The following SLC24A3 variants were observed in gnomAD, a reference collection of about 807,000 sequenced individuals.
The protein encoded by SLC24A3 is sodium/potassium/calcium exchanger 3.
SLC24A3 carries 28 observed loss-of-function variants against 75.8 expected under a neutral mutation model. The ratio of observed to expected loss-of-function variants is 0.37; its 90% CI spans 0.27 to 0.51. The LOEUF is 0.51. SLC24A3 is among the 20% of genes least tolerant of loss of function. SLC24A3 has a pLI of 0.94. For synonymous variants in SLC24A3, 372 were observed against 334.1 expected (o/e 1.11, Z -1.24); for missense variants, 663 against 847.8 (o/e 0.78, Z 2.71).
At chr20:19,686,238 C>T (rs889893932) in intron 12 of SLC24A3, among the ~76,000 whole-genome samples, 7 of 152,182 alleles carry the variant, frequency 4.6e-5, no homozygotes, top group African/African-American at 2.4e-5. Context: ...TCCCATTGCA[C>T]CTAGCCGGGA....
intron 2 of SLC24A3, among the ~76,000 whole-genome samples, chr20:19,511,746 C>T (rs766111755): frequency 1.1e-4 from 16 of 152,252 alleles, no homozygotes; most frequent in Non-Finnish European, 2.1e-4. Flanking sequence ...TGCATGAGTC[C>T]TTTGAAACCA....
At chr20:19,422,913 C>T (rs1224482281) in intron 2 of SLC24A3, among the ~76,000 whole-genome samples, 1 of 152,212 alleles carries the variant, frequency 6.6e-6, no homozygotes. Flanking sequence ...GAGAGTTACA[C>T]ATAAGTGTAA....
At chr20:19,333,976 T>G (rs1407406366) in intron 2 of SLC24A3, among the ~76,000 whole-genome samples, 6 of 149,768 alleles carry the variant, frequency 4.0e-5, no homozygotes, top group Non-Finnish European at 8.9e-5. Context: ...TAAAAAAGGG[T>G]GGAATTGTAC....
intron 3 of SLC24A3, among the ~76,000 whole-genome samples, chr20:19,552,172 G>A (rs940687521): frequency 6.6e-6 from 1 of 152,140 alleles, no homozygotes; most frequent in African/African-American, 2.4e-5. Context: ...AAAATTGCAT[G>A]GGGCCCTCTG....
chr20:19,603,844 C>A (rs1482032894), intron 6 of SLC24A3, among the ~76,000 whole-genome samples: 1 of 152,138 alleles, frequency 6.6e-6, no homozygotes, highest in East Asian at 1.9e-4. Context: ...CTGGTGCACA[C>A]CGAGCTGGTG....
intron 2 of SLC24A3, among the ~76,000 whole-genome samples, chr20:19,480,010 G>A (rs898809448): frequency 1.2e-4 from 18 of 152,336 alleles, no homozygotes; most frequent in Non-Finnish European, 2.9e-5. Flanking sequence ...AGGGACTGTT[G>A]TGATGCATAT....
intron 2 of SLC24A3, among the ~76,000 whole-genome samples, chr20:19,485,822 GC>G (rs529630449): frequency 5.3e-4 from 80 of 152,204 alleles, no homozygotes; most frequent in Non-Finnish European, 9.3e-4. Flanking sequence ...GAAACAAAGT[GC>G]CCCCCATGGG....
intron 6 of SLC24A3, among the ~76,000 whole-genome samples, chr20:19,651,426 C>T (rs1442994550): frequency 7.0e-6 from 1 of 143,842 alleles, no homozygotes; most frequent in African/African-American, 2.5e-5. Flanking sequence ...TATCTGCTTT[C>T]CTCTCCTCTG....
At chr20:19,600,064 C>T (rs1049953568) in intron 6 of SLC24A3, among the ~76,000 whole-genome samples, 37 of 152,152 alleles carry the variant, frequency 2.4e-4, no homozygotes, top group African/African-American at 8.7e-4. Context: ...GTTGAAGGCC[C>T]GTGGGGGTCA....
Position 19,319,714 on chromosome 20 carries a change from G to A in SLC24A3, c.271+38627G>A, listed in dbSNP as rs1422328533. On this transcript the variant is annotated intron_variant, in intron 2 of 16. Transcript: ENST00000328041. ...GGGCCATGGGGGAGGCGGTGTTGAG[G>A]GGTCCTGGTGGAGGAGGCAGCAGGA... Among the ~76,000 whole-genome samples the A allele has an allele frequency of 2.6e-5, 4 of 152,182 alleles. No individual in the cohort carries two copies. The East Asian group carries it at 5.8e-4, about 22-fold the overall frequency.
intron 1 of SLC24A3, among the ~76,000 whole-genome samples, chr20:19,232,569 A>G (rs1198514869): frequency 1.3e-5 from 2 of 152,180 alleles, no homozygotes; most frequent in Non-Finnish European, 2.9e-5. Context: ...TTAACTGAAC[A>G]CCTTTGTGCA....
chr20:19,457,117 A>G (rs1011625279), intron 2 of SLC24A3, among the ~76,000 whole-genome samples: 10 of 152,244 alleles, frequency 6.6e-5, no homozygotes, highest in African/African-American at 2.4e-4. Context: ...TGAATAATGT[A>G]GTACTTACTG....
At chr20:19,343,088 A>AAAAAG (rs1568594815) in intron 2 of SLC24A3, among the ~76,000 whole-genome samples, 32 of 147,214 alleles carry the variant, frequency 2.2e-4, no homozygotes, top group African/African-American at 7.2e-4. Context: ...AAAAAAAGAA[A>AAAAAG]AAAGAAAAAG....
At chr20:19,715,158 C>T (rs977511758) in intron 15 of SLC24A3, among the ~76,000 whole-genome samples, 2 of 152,246 alleles carry the variant, frequency 1.3e-5, no homozygotes, top group Non-Finnish European at 2.9e-5. Flanking sequence ...AGGAGCCCAT[C>T]TCTCCCATTC....
chr20:19,299,458 C>G (rs990749972), intron 2 of SLC24A3, among the ~76,000 whole-genome samples: 4 of 152,072 alleles, frequency 2.6e-5, no homozygotes, highest in Non-Finnish European at 5.9e-5. Flanking sequence ...CTTCTGGGGA[C>G]TCCAGTGAAG....
chr20:19,640,020 C>A (rs2032056549), intron 6 of SLC24A3, among the ~76,000 whole-genome samples: 1 of 152,238 alleles, frequency 6.6e-6, no homozygotes, highest in East Asian at 1.9e-4. Context: ...CCTCTCCCTC[C>A]ACACCTCCCT....
At chr20:19,520,234 G>A (rs2030074147) in intron 3 of SLC24A3, among the ~76,000 whole-genome samples, 1 of 152,170 alleles carries the variant, frequency 6.6e-6, no homozygotes, top group Non-Finnish European at 1.5e-5. Flanking sequence ...ACATATCAAG[G>A]AGAATATTTT....
intron 2 of SLC24A3, among the ~76,000 whole-genome samples, chr20:19,455,748 A>T (rs1206836740): frequency 2.6e-5 from 4 of 152,190 alleles, no homozygotes; most frequent in Non-Finnish European, 5.9e-5. Context: ...GCTCTGTCTC[A>T]CTTCCTCACT....
chr20:19,235,873 A>G (rs546375650), intron 1 of SLC24A3, among the ~76,000 whole-genome samples: 1 of 152,360 alleles, frequency 6.6e-6, no homozygotes, highest in East Asian at 1.9e-4. Context: ...TTGAAGATGA[A>G]GAGCCAGTCT....
Sources: allele counts gnomAD v4.1 joint callset (sites outside exome capture counted in the v4.1 genomes callset), GRCh38; gene constraint gnomAD v4.1.1; transcripts MANE v1.5; gene names NCBI Gene and HGNC (gene_info 2026-07-23, HGNC 2026-07-21).